The following MCTP1 variants were observed in gnomAD, a reference collection of about 807,000 sequenced individuals.
MCTP1 encodes multiple C2 and transmembrane domain-containing protein 1.
Under a neutral mutation model 120.6 loss-of-function variants are expected in MCTP1, and 69 were observed. The observed-to-expected ratio is 0.57, with a 90% CI of 0.47 to 0.70. MCTP1 has a LOEUF of 0.70. MCTP1 is among the 30% of genes least tolerant of loss of function. The pLI, the probability that MCTP1 is intolerant of heterozygous loss-of-function variation, is 0.00. For missense variants in MCTP1, 1,203 were observed against 1,248.8 expected (o/e 0.96, Z 0.55); for synonymous variants, 529 against 493.1 (o/e 1.07, Z -0.96).
chr5:94,958,417 T>G (rs1052502922), intron 2 of MCTP1, among the ~76,000 whole-genome samples: 2 of 151,248 alleles, frequency 1.3e-5, no homozygotes, highest in Admixed American at 6.6e-5. Flanking sequence ...ATAACTAAGA[T>G]CAGAGCAGAA....
At chr5:95,046,170 C>T (rs1227627210) in intron 1 of MCTP1, among the ~76,000 whole-genome samples, 1 of 152,122 alleles carries the variant, frequency 6.6e-6, no homozygotes, top group Non-Finnish European at 1.5e-5. Context: ...ATGGATCCAA[C>T]CACATGAGAG....
intron 19 of MCTP1, among the ~76,000 whole-genome samples, chr5:94,715,361 T>TAAAAAA (rs1758731627): frequency 2.2e-4 from 1 of 4,594 alleles, no homozygotes; most frequent in African/African-American, 9.0e-4. Context: ...CAATGAAAAC[T>TAAAAAA]ACAAAAAAAA....
At position 95,097,641 on chromosome 5, in the gene MCTP1, C is replaced by T. The variant is rs555547264; in HGVS notation, c.721-80157G>A. On this transcript the variant is annotated intron_variant, in intron 1 of 22. Transcript: ENST00000515393. ...AGTTTCTCATCTCTTTTAGAAAGAACTTCTGTCTACAGCTTAGATCACTGG... is the reference window on the plus strand; with the variant it reads ...AGTTTCTCATCTCTTTTAGAAAGAATTTCTGTCTACAGCTTAGATCACTGG... 1.4e-3 allele frequency among the ~76,000 whole-genome samples: 207 copies of T among 152,328 alleles called. 2 individuals carry two copies. The highest frequency in any genetic ancestry group is 4.7e-3 in the African/African-American group (196 of 41,568).
At chr5:95,228,736 G>C (rs12654889) in intron 1 of MCTP1, among the ~76,000 whole-genome samples, 20,685 of 152,124 alleles carry the variant, frequency 0.14, 1,397 homozygotes, top group Middle Eastern at 0.19. Flanking sequence ...CCTTGGTACC[G>C]TCGTCCCGAT....
In MCTP1 at chr5:95,204,434, T is replaced by A. The variant is rs572043497; in HGVS notation, c.720+79422A>T. On this transcript the variant is annotated intron_variant, in intron 1 of 22. Coordinates refer to ENST00000515393, the MANE Select transcript of MCTP1 (RefSeq NM_024717.7). ...CAGCATCATACTTAATGGTGAAGGA[T>A]GAATACTTCCCCCTGACCCTAAGAT... 2.0e-5 allele frequency among the ~76,000 whole-genome samples: 3 copies of A among 152,306 alleles called. No individual in the cohort carries two copies. In the South Asian group the frequency reaches 6.2e-4, roughly 32 times the overall value.
At chr5:95,142,377 C>T (rs958824154) in intron 1 of MCTP1, among the ~76,000 whole-genome samples, 7 of 152,048 alleles carry the variant, frequency 4.6e-5, no homozygotes, top group Non-Finnish European at 7.4e-5. Context: ...CAATAGAACA[C>T]GAGATTATAA....
rs142183092 is a variant in MCTP1, at chr5:95,206,112, G to T, written c.720+77744C>A. Among the ~76,000 whole-genome samples the T allele has an allele frequency of 1.2e-3, 176 of 152,098 alleles. 2 individuals are homozygous for T. Among genetic ancestry groups the T allele is most frequent in the African/African-American group, 4.1e-3 (169 of 41,512 alleles). On this transcript the variant is annotated intron_variant, in intron 1 of 22. Coordinates refer to ENST00000515393, the MANE Select transcript of MCTP1 (RefSeq NM_024717.7). The stretch of plus-strand genomic sequence containing the variant: ...AGTAACACTATAATTCATAAAAGTG[G>T]CAACAATTCAAATGCTCATAAATCA...
chr5:94,869,275 A>C (rs570760869), intron 16 of MCTP1, among the ~76,000 whole-genome samples: 1 of 152,148 alleles, frequency 6.6e-6, no homozygotes, highest in East Asian at 1.9e-4. Context: ...TACTCCCAAT[A>C]TACTTCAACG....
rs554432416 is a variant in MCTP1, at chr5:95,128,295, A to T, written c.721-110811T>A. Among the ~76,000 whole-genome samples, 135 of 152,342 alleles carry T rather than the reference A, an allele frequency of 8.9e-4. 1 individual carries two copies. The highest frequency in any genetic ancestry group is 3.0e-3 in the African/African-American group (125 of 41,582). On this transcript the variant is annotated intron_variant, in intron 1 of 22. Coordinates refer to ENST00000515393, the MANE Select transcript of MCTP1 (RefSeq NM_024717.7). ...CTTCAAAGTATTCTTCAATGGCTAG[A>T]TATAGAATTACCATATGACCGAGCA...
chr5:95,054,890 C>A (rs1294193048), intron 1 of MCTP1, among the ~76,000 whole-genome samples: 3 of 152,124 alleles, frequency 2.0e-5, no homozygotes, highest in African/African-American at 7.2e-5. Flanking sequence ...TCACTGCAAC[C>A]TCCGCCTCCC....
At chr5:95,068,386 G>T (rs1023169405) in intron 1 of MCTP1, among the ~76,000 whole-genome samples, 1 of 152,192 alleles carries the variant, frequency 6.6e-6, no homozygotes, top group Non-Finnish European at 1.5e-5. Context: ...AATTCCAACA[G>T]ACAGTAAACA....
At chr5:95,066,832 G>A (rs1253401185) in intron 1 of MCTP1, among the ~76,000 whole-genome samples, 1 of 152,122 alleles carries the variant, frequency 6.6e-6, no homozygotes, top group African/African-American at 2.4e-5. Flanking sequence ...GGGGCGGAGC[G>A]GGGATGGTTT....
chr5:95,116,662 C>T (rs891409896), intron 1 of MCTP1, among the ~76,000 whole-genome samples: 2 of 151,888 alleles, frequency 1.3e-5, no homozygotes, highest in African/African-American at 4.8e-5. Context: ...TTCTTCCTAT[C>T]CATGAGCATG....
chr5:95,072,943 C>T (rs1442075010), intron 1 of MCTP1, among the ~76,000 whole-genome samples: 1 of 151,954 alleles, frequency 6.6e-6, no homozygotes, highest in Admixed American at 6.6e-5. Flanking sequence ...GATGAGGTTT[C>T]ACCGTGTTAG....
intron 17 of MCTP1, among the ~76,000 whole-genome samples, chr5:94,819,951 G>T (rs1006286588): frequency 1.3e-5 from 2 of 152,190 alleles, no homozygotes; most frequent in African/African-American, 2.4e-5. Context: ...GTCCTTCTGT[G>T]TTATCTTGAA....
At chr5:94,828,889 G>A (rs1245527119) in intron 17 of MCTP1, among the ~76,000 whole-genome samples, 1 of 152,180 alleles carries the variant, frequency 6.6e-6, no homozygotes, top group African/African-American at 2.4e-5. Flanking sequence ...GGTCTCCGTG[G>A]GATCCACTGA....
intron 1 of MCTP1, among the ~76,000 whole-genome samples, chr5:95,100,580 A>G (rs1756651115): frequency 6.6e-6 from 1 of 152,254 alleles, no homozygotes; most frequent in Admixed American, 6.5e-5. Context: ...TTGTATAAAG[A>G]ATACTGTATA....
At position 95,170,979 on chromosome 5, in the gene MCTP1, T is replaced by TTA. The variant is rs1007703231; in HGVS notation, c.720+112875_720+112876dup. ...TGACGTTAGCTGGTTATTCTGCTCTTTAGTTGATGCAGTTTCTTCCTAGTC... is the reference window on the plus strand; with the variant it reads ...TGACGTTAGCTGGTTATTCTGCTCTTTATAGTTGATGCAGTTTCTTCCTAGTC... On this transcript the variant is annotated intron_variant, in intron 1 of 22. Transcript: ENST00000515393. Among the ~76,000 whole-genome samples, 6 of 152,278 alleles carry TTA rather than the reference T, an allele frequency of 3.9e-5. No homozygotes were observed. In the South Asian group the frequency reaches 6.2e-4, roughly 16 times the overall value.
At chr5:95,187,911 G>A (rs1749403996) in intron 1 of MCTP1, among the ~76,000 whole-genome samples, 2 of 152,038 alleles carry the variant, frequency 1.3e-5, no homozygotes, top group Admixed American at 1.3e-4. Flanking sequence ...ATGCTTGAGG[G>A]GATAGATATC....
Sources: gnomAD v4.1 joint callset for allele counts (sites outside exome capture counted in the v4.1 genomes callset) on GRCh38, gnomAD v4.1.1 for gene constraint, MANE v1.5 for transcripts, NCBI Gene and HGNC (gene_info 2026-07-23, HGNC 2026-07-21) for gene names.